REDIC1: variants seen among roughly 807,000 people sequenced by gnomAD.
The protein encoded by REDIC1 is regulator of DNA class I crossover intermediates 1, also known as HEI10 Interacting Protein 1.
the REDIC1 span, among the ~76,000 whole-genome samples, chr12:39,689,091 C>G: frequency 3.3e-5 from 5 of 152,280 alleles, no homozygotes; most frequent in South Asian, 1.0e-3. Flanking sequence ...CTAGATCTCA[C>G]TAATGAAATG....
At chr12:39,884,089 T>A in the REDIC1 span, among the ~76,000 whole-genome samples, 1 of 152,208 alleles carries the variant, frequency 6.6e-6, no homozygotes. Context: ...TACATTGTAT[T>A]CAGGCACCAT....
the REDIC1 span, chr12:39,788,740 T>C: frequency 3.9e-5 from 6 of 152,144 alleles, no homozygotes; most frequent in African/African-American, 1.2e-4. Context: ...TCTGTAGTAA[T>C]ATAATGATGC....
chr12:39,674,139 A>C, the REDIC1 span, among the ~76,000 whole-genome samples: 1 of 152,190 alleles, frequency 6.6e-6, no homozygotes, highest in Non-Finnish European at 1.5e-5. Flanking sequence ...TTCCCAAATC[A>C]GATGCCATCT....
the REDIC1 span, among the ~76,000 whole-genome samples, chr12:39,738,213 T>C: frequency 2.0e-5 from 3 of 152,216 alleles, no homozygotes; most frequent in African/African-American, 7.2e-5. Context: ...AATCACTTGC[T>C]CATATGGAGT....
At chr12:39,828,366 C>T in the REDIC1 span, among the ~76,000 whole-genome samples, 2,295 of 151,514 alleles carry the variant, frequency 0.015, 27 homozygotes, top group Middle Eastern at 0.024. Flanking sequence ...CTGTGCCTTA[C>T]TTTTCTCTAA....
the REDIC1 span, among the ~76,000 whole-genome samples, chr12:39,853,087 C>T: frequency 6.6e-6 from 1 of 151,894 alleles, no homozygotes; most frequent in Non-Finnish European, 1.5e-5. Context: ...ATGTTTTGTC[C>T]AATTCTTTGC....
the REDIC1 span, chr12:39,760,030 T>C: frequency 6.2e-7 from 1 of 1,610,590 alleles, no homozygotes. Flanking sequence ...TGAAAATTAT[T>C]CCACATCAGA....
chr12:39,667,817 G>T, the REDIC1 span, among the ~76,000 whole-genome samples: 1 of 152,166 alleles, frequency 6.6e-6, no homozygotes, highest in East Asian at 1.9e-4. Context: ...TTACCATTAT[G>T]TAATGGCCTT....
the REDIC1 span, among the ~76,000 whole-genome samples, chr12:39,832,509 T>C: frequency 6.6e-6 from 1 of 152,074 alleles, no homozygotes; most frequent in Non-Finnish European, 1.5e-5. Context: ...CCATAACAAA[T>C]AACTTCCTCC....
chr12:39,707,544 A>T, the REDIC1 span, among the ~76,000 whole-genome samples: 1 of 151,920 alleles, frequency 6.6e-6, no homozygotes, highest in African/African-American at 2.4e-5. Flanking sequence ...TATATTAAAG[A>T]GCTATCTCCA....
the REDIC1 span, among the ~76,000 whole-genome samples, chr12:39,875,768 G>T: frequency 6.6e-6 from 1 of 152,158 alleles, no homozygotes; most frequent in African/African-American, 2.4e-5. Context: ...ATGGTCTTAT[G>T]GGGAGATACA....
chr12:39,785,329 C>T, the REDIC1 span, among the ~76,000 whole-genome samples: 1 of 152,182 alleles, frequency 6.6e-6, no homozygotes, highest in Non-Finnish European at 1.5e-5. Flanking sequence ...CTGGCTGTGG[C>T]TTCAGAGAGT....
the REDIC1 span, among the ~76,000 whole-genome samples, chr12:39,853,298 C>G: frequency 6.6e-6 from 1 of 152,076 alleles, no homozygotes; most frequent in Non-Finnish European, 1.5e-5. Flanking sequence ...AAGGCTGAAC[C>G]ACTGTGGGTG....
At chr12:39,701,363 G>A in the REDIC1 span, among the ~76,000 whole-genome samples, 1 of 152,240 alleles carries the variant, frequency 6.6e-6, no homozygotes, top group South Asian at 2.1e-4. Flanking sequence ...ATGGTAAAGG[G>A]ATCAATTCAA....
chr12:39,675,038 T>C, the REDIC1 span, among the ~76,000 whole-genome samples: 1 of 152,098 alleles, frequency 6.6e-6, no homozygotes, highest in African/African-American at 2.4e-5. Flanking sequence ...TGGGGCAAGA[T>C]CTCAGCACTG....
chr12:39,699,077 T>A, the REDIC1 span, among the ~76,000 whole-genome samples: 10 of 152,054 alleles, frequency 6.6e-5, no homozygotes, highest in African/African-American at 2.4e-4. Flanking sequence ...TAAACAAAAT[T>A]GACAAACATT....
the REDIC1 span, chr12:39,908,051 C>T: frequency 6.6e-6 from 1 of 152,052 alleles, no homozygotes; most frequent in African/African-American, 2.4e-5. Flanking sequence ...ACCACATAGA[C>T]TTATCTATTA....
the REDIC1 span, among the ~76,000 whole-genome samples, chr12:39,706,601 C>T: frequency 6.6e-6 from 1 of 151,748 alleles, no homozygotes; most frequent in African/African-American, 2.4e-5. Context: ...AGTATAGTAA[C>T]CAAAACAGCA....
At chr12:39,663,527 T>G in the REDIC1 span, among the ~76,000 whole-genome samples, 3 of 152,096 alleles carry the variant, frequency 2.0e-5, no homozygotes, top group Non-Finnish European at 4.4e-5. Context: ...TGGTTTCTTA[T>G]TCATGCAGTG....
Sources: gnomAD v4.1 joint callset for allele counts (sites outside exome capture counted in the v4.1 genomes callset) on GRCh38, gnomAD v4.1.1 for gene constraint, MANE v1.5 for transcripts, NCBI Gene and HGNC (gene_info 2026-07-23, HGNC 2026-07-21) for gene names.